The following LRMDA variants were observed in gnomAD, a reference collection of about 807,000 sequenced individuals.
LRMDA encodes leucine rich melanocyte differentiation associated.
A neutral mutation model predicts 29.8 loss-of-function variants in LRMDA; 18 were observed. That is an observed-to-expected ratio of 0.60 (90% CI 0.42 to 0.90). The LOEUF is 0.90. Ranked by LOEUF, LRMDA falls within the 40% of genes least tolerant of loss-of-function variation. LRMDA has a pLI of 0.00. For missense variants in LRMDA, 273 were observed against 273.9 expected, an observed-to-expected ratio of 1.00 and a Z score of 0.02; for synonymous variants, 125 against 109.4, an observed-to-expected ratio of 1.14 and a Z score of -0.89.
At chr10:75,623,528 G>A (rs1360691484) in intron 2 of LRMDA, among the ~76,000 whole-genome samples, 2 of 152,206 alleles carry the variant, frequency 1.3e-5, no homozygotes, top group Non-Finnish European at 2.9e-5. Context: ...GGACTCCAGA[G>A]GGAAGGGGTG....
At chr10:75,868,860 A>C (rs1845062682) in intron 2 of LRMDA, among the ~76,000 whole-genome samples, 1 of 152,138 alleles carries the variant, frequency 6.6e-6, no homozygotes, top group African/African-American at 2.4e-5. Flanking sequence ...GGTCCTTAAC[A>C]CATGCAGCTC....
intron 3 of LRMDA, 84 bp from the exon 4 acceptor site, chr10:76,047,080 G>A (rs573079346): frequency 6.8e-7 from 1 of 1,470,072 alleles, no homozygotes; most frequent in East Asian, 2.3e-5. Context: ...GAGCAGACTG[G>A]ACTCATCAGC....
At chr10:75,948,477 G>T (rs537806730) in intron 2 of LRMDA, among the ~76,000 whole-genome samples, 1 of 152,164 alleles carries the variant, frequency 6.6e-6, no homozygotes, top group African/African-American at 2.4e-5. Context: ...TAGGTAGTGG[G>T]ACATTGTTCT....
intron 2 of LRMDA, among the ~76,000 whole-genome samples, chr10:76,009,522 T>A (rs1847735034): frequency 6.6e-6 from 1 of 152,122 alleles, no homozygotes; most frequent in African/African-American, 2.4e-5. Context: ...GACATGTGAG[T>A]GTGGATTGCG....
intron 5 of LRMDA, among the ~76,000 whole-genome samples, chr10:76,267,386 A>T (rs932508601): frequency 6.6e-6 from 1 of 152,186 alleles, no homozygotes; most frequent in African/African-American, 2.4e-5. Context: ...CATTAATGAT[A>T]TTCAAAGTGT....
At chr10:76,498,768 T>C (rs2132341123) in intron 6 of LRMDA, among the ~76,000 whole-genome samples, 1 of 76,072 alleles carries the variant, frequency 1.3e-5, no homozygotes, top group East Asian at 2.5e-4. Flanking sequence ...AGGGTCACAA[T>C]TTGCCTTTGT....
intron 5 of LRMDA, among the ~76,000 whole-genome samples, chr10:76,081,889 A>G (rs919472366): frequency 6.6e-6 from 1 of 152,182 alleles, no homozygotes; most frequent in African/African-American, 2.4e-5. Context: ...ACTTTGTTGT[A>G]TAGATTTCTG....
intron 2 of LRMDA, among the ~76,000 whole-genome samples, chr10:75,782,297 G>T (rs1467268719): frequency 6.6e-6 from 1 of 152,028 alleles, no homozygotes; most frequent in East Asian, 1.9e-4. Context: ...GTGTGTGGGG[G>T]TGTGTGTGTG....
chr10:76,235,255 C>T (rs1852130751), intron 5 of LRMDA, among the ~76,000 whole-genome samples: 1 of 151,970 alleles, frequency 6.6e-6, no homozygotes, highest in Non-Finnish European at 1.5e-5. Context: ...ATTAAGCTTG[C>T]CATCTTCTAT....
chr10:76,046,528 G>A (rs185920212), intron 3 of LRMDA, among the ~76,000 whole-genome samples: 323 of 151,900 alleles, frequency 2.1e-3, no homozygotes, highest in Middle Eastern at 6.8e-3. Context: ...ACAGAGTCTC[G>A]CTCTGTCACC....
intron 5 of LRMDA, among the ~76,000 whole-genome samples, chr10:76,255,449 G>A (rs1437512188): frequency 6.6e-6 from 1 of 152,140 alleles, no homozygotes; most frequent in Non-Finnish European, 1.5e-5. Flanking sequence ...GATTTTAGGA[G>A]CCCACTGTTA....
intron 2 of LRMDA, among the ~76,000 whole-genome samples, chr10:75,596,939 T>TTTTC (rs1194703710): frequency 6.6e-6 from 1 of 151,834 alleles, no homozygotes; most frequent in African/African-American, 2.4e-5. Flanking sequence ...GAGGTTTTCT[T>TTTTC]TTTCTTTCTT....
chr10:76,317,979 T>A (rs573640212), intron 5 of LRMDA, among the ~76,000 whole-genome samples: 18 of 152,348 alleles, frequency 1.2e-4, no homozygotes, highest in Middle Eastern at 3.4e-3. Context: ...GTTGACTTAA[T>A]GCTAGGTAAT....
At chr10:75,616,282 C>CAGCAGCAGCAGCAGCAGT (rs1385861555) in intron 2 of LRMDA, among the ~76,000 whole-genome samples, 1 of 150,962 alleles carries the variant, frequency 6.6e-6, no homozygotes, top group African/African-American at 2.5e-5. Context: ...GCAGCAGCAG[C>CAGCAGCAGCAGCAGCAGT]AGTAGTAGTA....
At chr10:76,159,286 G>A (rs755039587) in intron 5 of LRMDA, among the ~76,000 whole-genome samples, 3 of 152,070 alleles carry the variant, frequency 2.0e-5, no homozygotes, top group Non-Finnish European at 4.4e-5. Flanking sequence ...AACTTTATGA[G>A]TGCCACATCT....
At chr10:75,636,616 T>C (rs1201665620) in intron 2 of LRMDA, among the ~76,000 whole-genome samples, 1 of 152,182 alleles carries the variant, frequency 6.6e-6, no homozygotes, top group Non-Finnish European at 1.5e-5. Flanking sequence ...TTTTGATGAA[T>C]TATACATAGA....
At chr10:76,071,139 G>A (rs562450334) in intron 5 of LRMDA, among the ~76,000 whole-genome samples, 1 of 152,144 alleles carries the variant, frequency 6.6e-6, no homozygotes, top group Non-Finnish European at 1.5e-5. Context: ...GGAAATGAAG[G>A]CTGATGTTTA....
chr10:75,648,471 A>T (rs1841557005), intron 2 of LRMDA, among the ~76,000 whole-genome samples: 1 of 152,100 alleles, frequency 6.6e-6, no homozygotes, highest in Admixed American at 6.5e-5. Context: ...GGGGGCTCTT[A>T]TAGGAAATTT....
chr10:76,158,057 A>G (rs2132174021), intron 5 of LRMDA, among the ~76,000 whole-genome samples: 1 of 152,282 alleles, frequency 6.6e-6, no homozygotes, highest in South Asian at 2.1e-4. Flanking sequence ...TTGTTGACTG[A>G]AATATCATTA....
Sources: gnomAD v4.1 joint callset for allele counts (sites outside exome capture counted in the v4.1 genomes callset) on GRCh38, gnomAD v4.1.1 for gene constraint, MANE v1.5 for transcripts, NCBI Gene and HGNC (gene_info 2026-07-23, HGNC 2026-07-21) for gene names.